Variants in PLCL1 observed in about 807,000 individuals in gnomAD.
PLCL1 encodes the protein phospholipase C like 1 (inactive).
In PLCL1, 41 loss-of-function variants were observed where a neutral mutation model predicts 84.4. That is an observed-to-expected ratio of 0.49 (90% CI 0.38 to 0.63). The LOEUF (loss-of-function observed/expected upper bound fraction) is 0.63, where lower values mean the gene tolerates loss of function less well. PLCL1 is among the 30% of genes least tolerant of loss of function. The pLI, the probability that PLCL1 is intolerant of heterozygous loss-of-function variation, is 0.00. For missense variants in PLCL1, 1,206 were observed against 1,367.8 expected (o/e 0.88, Z 1.87); for synonymous variants, 490 against 488.3 (o/e 1.00, Z -0.05).
In PLCL1 at chr2:198,147,041, T is replaced by A; in HGVS notation, c.*79T>A. 1 of 1,261,398 alleles carries A rather than the reference T, an allele frequency of 7.9e-7. No homozygotes were observed. The highest frequency in any genetic ancestry group is 1.1e-6 in the Non-Finnish European group (1 of 927,206). 78.1% of individuals were successfully genotyped at this position (1,261,398 alleles called of 1,614,324 possible). A position where few individuals can be genotyped will look rare whatever the true frequency, so the allele number is the denominator to read the frequency against. On this transcript the variant is annotated 3_prime_UTR_variant, in exon 6 of 6. Transcript: ENST00000428675. Reference sequence around the variant, plus strand: ...TTCTTGTTTTCTTTCTTTAAATGTTTTATAAGTTCACAAAATGGTGCCCTA... The same window carrying A: ...TTCTTGTTTTCTTTCTTTAAATGTTATATAAGTTCACAAAATGGTGCCCTA...
intron 1 of PLCL1, among the ~76,000 whole-genome samples, chr2:198,007,971 G>A (rs1403382950): frequency 1.3e-5 from 2 of 151,974 alleles, no homozygotes; most frequent in East Asian, 3.8e-4. Flanking sequence ...CCTCCCAGCA[G>A]CCAAGGCAAA....
intron 1 of PLCL1, among the ~76,000 whole-genome samples, chr2:198,011,560 G>A (rs917830251): frequency 6.6e-6 from 1 of 152,000 alleles, no homozygotes; most frequent in African/African-American, 2.4e-5. Flanking sequence ...TGTTCCATGT[G>A]CGCTTGAGAA....
At chr2:197,991,406 A>G (rs1451719751) in intron 1 of PLCL1, among the ~76,000 whole-genome samples, 1 of 150,068 alleles carries the variant, frequency 6.7e-6, no homozygotes, top group Non-Finnish European at 1.5e-5. Flanking sequence ...CTCTCTCTCC[A>G]CTTCCCTCTC....
chr2:197,923,965 G>A (rs1016233910), intron 1 of PLCL1, among the ~76,000 whole-genome samples: 2 of 151,850 alleles, frequency 1.3e-5, no homozygotes, highest in East Asian at 2.0e-4. Flanking sequence ...AGACCGGCCC[G>A]GCCAACACAG....
intron 1 of PLCL1, among the ~76,000 whole-genome samples, chr2:197,901,672 G>A (rs779313598): frequency 2.0e-5 from 3 of 152,174 alleles, no homozygotes. Context: ...AAGATTCAGA[G>A]CAATTTGAAG....
chr2:197,987,536 A>G (rs559833202), intron 1 of PLCL1, among the ~76,000 whole-genome samples: 1 of 152,300 alleles, frequency 6.6e-6, no homozygotes, highest in South Asian at 2.1e-4. Flanking sequence ...TGAGTTTGTG[A>G]TCCCTGATCT....
chr2:197,892,180 A>G (rs1272547303), intron 1 of PLCL1, among the ~76,000 whole-genome samples: 1 of 152,162 alleles, frequency 6.6e-6, no homozygotes, highest in Non-Finnish European at 1.5e-5. Flanking sequence ...CCAATTTTCT[A>G]GTTAAGTCTT....
chr2:197,897,095 A>ACTC (rs1559038387), intron 1 of PLCL1, among the ~76,000 whole-genome samples: 40 of 148,140 alleles, frequency 2.7e-4, no homozygotes, highest in African/African-American at 9.7e-4. Context: ...TAGAAGTATG[A>ACTC]CTCCTTCTTC....
At chr2:198,031,659 CTTTT>C (rs5837577) in intron 1 of PLCL1, among the ~76,000 whole-genome samples, 5 of 103,824 alleles carry the variant, frequency 4.8e-5, no homozygotes, top group Admixed American at 1.0e-4. Context: ...ATGGCCAGTG[CTTTT>C]TTTTTTTTTT....
At chr2:197,886,421 A>G (rs1687924236) in intron 1 of PLCL1, among the ~76,000 whole-genome samples, 1 of 32,774 alleles carries the variant, frequency 3.1e-5, no homozygotes, top group Non-Finnish European at 6.0e-5. Flanking sequence ...CAAAAAAAAA[A>G]AAAAAAAAAA....
chr2:197,822,345 G>A (rs565431277), intron 1 of PLCL1, among the ~76,000 whole-genome samples: 1 of 152,160 alleles, frequency 6.6e-6, no homozygotes, highest in Non-Finnish European at 1.5e-5. Context: ...TTCTTACGTT[G>A]AGCCCAAATC....
chr2:198,092,754 A>C (rs1423613563), intron 3 of PLCL1, among the ~76,000 whole-genome samples: 1 of 152,148 alleles, frequency 6.6e-6, no homozygotes, highest in African/African-American at 2.4e-5. Context: ...AAGTATTGAA[A>C]AATACTTTGC....
intron 1 of PLCL1, among the ~76,000 whole-genome samples, chr2:197,864,498 T>A (rs1379670862): frequency 6.8e-5 from 10 of 147,308 alleles, no homozygotes; most frequent in South Asian, 6.4e-4. Flanking sequence ...TTTTTTTTTT[T>A]AACACAGGAT....
chr2:198,075,507 G>A lies in PLCL1; in HGVS notation c.241-8251G>A, dbSNP rs73061101. Among the ~76,000 whole-genome samples, 1,200 of 152,292 alleles carry A rather than the reference G, an allele frequency of 7.9e-3. 21 individuals are homozygous for A. The highest frequency in any genetic ancestry group is 0.028 in the African/African-American group (1,149 of 41,566). Reference sequence around the variant, plus strand: ...CATGTTGTTGACTAGAGAAATGGAAGTTCACGTATCTCATAACTGCGTACG... The same window carrying A: ...CATGTTGTTGACTAGAGAAATGGAAATTCACGTATCTCATAACTGCGTACG... On this transcript the variant is annotated intron_variant, in intron 1 of 5. Coordinates refer to ENST00000428675, the MANE Select transcript of PLCL1 (RefSeq NM_006226.4).
At chr2:197,860,722 C>T (rs1171593224) in intron 1 of PLCL1, among the ~76,000 whole-genome samples, 2 of 151,226 alleles carry the variant, frequency 1.3e-5, no homozygotes, top group Non-Finnish European at 3.0e-5. Context: ...TTAATGGGAC[C>T]GTTTTTCTTG....
At chr2:197,952,505 G>A (rs192971440) in intron 1 of PLCL1, among the ~76,000 whole-genome samples, 52 of 152,238 alleles carry the variant, frequency 3.4e-4, no homozygotes, top group African/African-American at 1.1e-3. Flanking sequence ...AGCAGTAAAC[G>A]TCATTAAATT....
intron 1 of PLCL1, among the ~76,000 whole-genome samples, chr2:198,077,329 TATA>T (rs1692601620): frequency 6.6e-6 from 1 of 152,006 alleles, no homozygotes; most frequent in Non-Finnish European, 1.5e-5. Context: ...AAACTTAAAG[TATA>T]ATAATAAAAA....
At chr2:197,973,671 G>C (rs1689911892) in intron 1 of PLCL1, among the ~76,000 whole-genome samples, 1 of 152,178 alleles carries the variant, frequency 6.6e-6, no homozygotes, top group Non-Finnish European at 1.5e-5. Context: ...AGCTTCACAT[G>C]TTCAGGGAAA....
chr2:197,869,316 C>A (rs574658508), intron 1 of PLCL1, among the ~76,000 whole-genome samples: 6 of 152,170 alleles, frequency 3.9e-5, no homozygotes, highest in Admixed American at 3.9e-4. Flanking sequence ...GAGCAATACA[C>A]TTCTTAGAGG....
Sources: gnomAD v4.1 joint callset for allele counts (sites outside exome capture counted in the v4.1 genomes callset) on GRCh38, gnomAD v4.1.1 for gene constraint, MANE v1.5 for transcripts, NCBI Gene and HGNC (gene_info 2026-07-23, HGNC 2026-07-21) for gene names.